CAMSAP3: variants seen among roughly 807,000 people sequenced by gnomAD.
CAMSAP3 encodes the protein calmodulin-regulated spectrin-associated protein 3.
CAMSAP3 carries 34 observed loss-of-function variants against 112.5 expected under a neutral mutation model. That is an observed-to-expected ratio of 0.30 (90% CI 0.23 to 0.40). CAMSAP3 has a LOEUF of 0.40. Among genes scored for constraint, CAMSAP3 ranks in the 10% least tolerant of loss-of-function variants. CAMSAP3 has a pLI of 1.00. For synonymous variants in CAMSAP3, 868 were observed against 799.8 expected (o/e 1.09, Z -1.44); for missense variants, 1,602 against 1,770.3 (o/e 0.90, Z 1.71).
rs201583046 is a variant in CAMSAP3, at chr19:7,611,850, C to T, written c.1357C>T (p.Pro453Ser). 111 of 1,569,326 alleles carry T rather than the reference C, an allele frequency of 7.1e-5. No homozygotes were observed. In the African/African-American group the frequency reaches 1.4e-3, roughly 20 times the overall value. The change falls in exon 11 of 17, where the codon CCT becomes TCT. Residue 453 changes from proline to serine, a missense_variant. Pro to Ser is a moderately conservative substitution (Grantham distance 74, BLOSUM62 -1). Coordinates refer to ENST00000160298, the MANE Select transcript of CAMSAP3 (RefSeq NM_020902.2). The surrounding 1 kb of genome is among the most constrained non-coding windows in gnomAD (Gnocchi z 6.9). ...GACCCCCACCCAGCCACCCCCGGAG[C>T]CTGGTGACCTGCCCACCATCGAGGA... ...ARTPTQPPPE[P>S]GDLPTIEEAL...
In CAMSAP3 at chr19:7,612,818, C is replaced by T; in HGVS notation, c.2325C>T (p.Ser775=). 1 of 1,555,636 alleles carries T rather than the reference C, an allele frequency of 6.4e-7. No individual in the cohort carries two copies. The highest frequency in any genetic ancestry group is 8.7e-7 in the Non-Finnish European group (1 of 1,155,302). Residue 775 remains serine, a synonymous_variant, in exon 11 of 17, where the codon AGC becomes AGT. Coordinates refer to ENST00000160298, the MANE Select transcript of CAMSAP3 (RefSeq NM_020902.2). ...GGCGCAGCCCTGGGCCCGGGCCCAGCCAGTCACCCCGCAGCCCGAAACACA... is the reference window on the plus strand; with the variant it reads ...GGCGCAGCCCTGGGCCCGGGCCCAGTCAGTCACCCCGCAGCCCGAAACACA... The part of the protein sequence containing the change: ...ATRRSPGPGP[S]QSPRSPKHTR...
intron 1 of CAMSAP3, among the ~76,000 whole-genome samples, chr19:7,603,795 G>A (rs770033500): frequency 1.3e-4 from 20 of 152,118 alleles, no homozygotes; most frequent in Non-Finnish European, 2.8e-4. Context: ...GTTGCAGTGA[G>A]CCATGATCGT....
At chr19:7,604,307 G>A (rs549479963) in intron 1 of CAMSAP3, among the ~76,000 whole-genome samples, 2 of 151,994 alleles carry the variant, frequency 1.3e-5, no homozygotes, top group East Asian at 3.9e-4. Flanking sequence ...GCTTCCTCAC[G>A]CCTCTTCCCA....
In CAMSAP3 at chr19:7,612,862, G is replaced by C; in HGVS notation, c.2369G>C (p.Arg790Pro). 1 of 1,601,074 alleles carries C rather than the reference G, an allele frequency of 6.2e-7. No homozygotes were observed. Among genetic ancestry groups the C allele is most frequent in the Non-Finnish European group, 8.5e-7 (1 of 1,175,734 alleles). ...AAACACACGCGGCCAGCGGAGCTGC[G>C]GCTGGCACCCTTGACCAGGGTGCTT... ...SPKHTRPAELRLAPLTRVLTP... is the reference protein window; with the variant it reads ...SPKHTRPAELPLAPLTRVLTP... Residue 790 changes from arginine to proline, a missense_variant, in exon 11 of 17, where the codon CGG (arginine) becomes CCG (proline). Coordinates refer to ENST00000160298, the MANE Select transcript of CAMSAP3 (RefSeq NM_020902.2).
In CAMSAP3 at chr19:7,617,893, G is replaced by A. The variant is rs1393887283; in HGVS notation, c.3586G>A (p.Ala1196Thr). 2.5e-6 allele frequency: 4 copies of A among 1,613,812 alleles called. No homozygotes were observed. The highest frequency in any genetic ancestry group is 1.7e-5 in the Admixed American group (1 of 59,990). The change falls in exon 17 of 17, where the codon GCC becomes ACC. Residue 1196 changes from alanine (A) to threonine (T), a missense_variant. Physicochemically the swap from Ala to Thr is moderately conservative, Grantham distance 58. This residue lies in a region of CAMSAP3 where 150 missense variants were observed against 207.6 expected (regional missense o/e 0.72). Coordinates refer to ENST00000160298, the MANE Select transcript of CAMSAP3 (RefSeq NM_020902.2). This position sits in a 1 kb window ranked among gnomAD's most constrained non-coding sequence, Gnocchi z 7.5. ...AGYGPRTVTP[A>T]MVEGIYKYNS... is the part of the protein sequence containing the mutation. The stretch of plus-strand genomic sequence containing the variant: ...GTATGGGCCCCGGACCGTCACGCCC[G>A]CCATGGTGGAAGGCATCTACAAGTA...
At chr19:7,606,436 G>T in intron 3 of CAMSAP3, 40 bp from the exon 4 acceptor site, 2 of 1,610,992 alleles carry the variant, frequency 1.2e-6, no homozygotes, top group Non-Finnish European at 8.5e-7. Flanking sequence ...GACCAGCATC[G>T]TCCAGTGGCC....
At chr19:7,596,176 CGGGGGCGGCGGGCCGGGCGCG>C in intron 1 of CAMSAP3, 26 bp downstream of exon 1, 1 of 68,160 alleles carries the variant, frequency 1.5e-5, no homozygotes, top group Non-Finnish European at 1.8e-5. Flanking sequence ...GGACCGGGGT[CGGGGGCGGCGGGCCGGGCGCG>C]GCAGGTGCTG....
chr19:7,613,563 G>A (rs2030623461), intron 11 of CAMSAP3, among the ~76,000 whole-genome samples: 1 of 151,748 alleles, frequency 6.6e-6, no homozygotes, highest in African/African-American at 2.4e-5. Context: ...AGTGGGGGCT[G>A]ACCCAGTCAT....
Position 7,595,877 on chromosome 19 carries a change from A to AGCGGCG in CAMSAP3, c.-108_-103dup, listed in dbSNP as rs539455375. 779 of 280,070 alleles carry AGCGGCG rather than the reference A, an allele frequency of 2.8e-3. 10 individuals carry two copies. The highest frequency in any genetic ancestry group is 0.016 in the African/African-American group (693 of 43,908). The allele number at this position is 280,070 out of a possible 1,614,324, so 17.3% of individuals were successfully genotyped here. A position where few individuals can be genotyped will look rare whatever the true frequency, so the allele number is the denominator to read the frequency against. On this transcript the variant is annotated 5_prime_UTR_variant, in exon 1 of 17. Transcript: ENST00000160298. ...CGCAAGCGGCCGCACCTGGCTCAGCAGCGGCGGCGGCGGCGGCGGCGGCAG... is the reference window on the plus strand; with the variant it reads ...CGCAAGCGGCCGCACCTGGCTCAGCAGCGGCGGCGGCGGCGGCGGCGGCGGCGGCAG...
chr19:7,606,086 G>A (rs921619162), intron 2 of CAMSAP3, among the ~76,000 whole-genome samples, 185 bp from the exon 3 acceptor site: 2 of 151,842 alleles, frequency 1.3e-5, no homozygotes, highest in Admixed American at 6.6e-5. Context: ...TGGCTTTTCC[G>A]GGACCCCATT....
chr19:7,604,297 G>T lies in CAMSAP3; in HGVS notation c.149-929G>T, dbSNP rs375135251. Among the ~76,000 whole-genome samples the T allele has an allele frequency of 9.2e-5, 14 of 152,146 alleles. No individual in the cohort carries two copies. The East Asian group carries it at 2.7e-3, about 29-fold the overall frequency. ...GCCCCCAGCCCACTGTCCACCTGGG[G>T]CTTCCTCACGCCTCTTCCCATTGTC... On this transcript the variant is annotated intron_variant, in intron 1 of 16. Transcript: ENST00000160298.
Position 7,617,340 on chromosome 19 carries a change from C to T in CAMSAP3, c.3227C>T (p.Ser1076Leu). ...KRPTSRAPSP[S>L]GLMSPSRLPG... ...TCCCACTGCAGGGCTCCCTCCCCGT[C>T]AGGTCTCATGTCCCCAAGCCGCCTG... Residue 1076 changes from serine to leucine, a missense_variant, in exon 15 of 17, where the codon TCA (serine) becomes TTA (leucine). Transcript: ENST00000160298. The surrounding 1 kb of genome is among the most constrained non-coding windows in gnomAD (Gnocchi z 7.5). The T allele has an allele frequency of 1.2e-6, 2 of 1,613,864 alleles. No homozygotes were observed. The highest frequency in any genetic ancestry group is 1.7e-6 in the Non-Finnish European group (2 of 1,179,746).
intron 5 of CAMSAP3, among the ~76,000 whole-genome samples, chr19:7,609,093 G>A (rs889349107): frequency 9.2e-5 from 14 of 151,836 alleles, no homozygotes; most frequent in Middle Eastern, 3.4e-3. Flanking sequence ...AGGCCGAGGC[G>A]GGTGGATCAC....
chr19:7,599,548 AT>A (rs2029865267), intron 1 of CAMSAP3, among the ~76,000 whole-genome samples: 1 of 62,672 alleles, frequency 1.6e-5, no homozygotes, highest in Non-Finnish European at 3.3e-5. Flanking sequence ...CCACCCACCC[AT>A]TCATTCATCC....
chr19:7,618,015 G>A lies in CAMSAP3; in HGVS notation c.3708G>A (p.Lys1236=). ...TCCAGGGACACCTCTGGCAGGGCAA[G>A]AAACCCACCACTCCCAAGAAGGGCG... ...FTIQGHLWQG[K]KPTTPKKGGG... is the part of the protein sequence containing the mutation. The change falls in exon 17 of 17, where the codon AAG becomes AAA. Residue 1236 remains lysine, a synonymous_variant. Transcript: ENST00000160298. 1 of 1,614,032 alleles carries A rather than the reference G, an allele frequency of 6.2e-7. No individual in the cohort carries two copies. Among genetic ancestry groups the A allele is most frequent in the Non-Finnish European group, 8.5e-7 (1 of 1,179,992 alleles).
rs1233122306 is a variant in CAMSAP3 at position 7,613,149 on chromosome 19, G to A, written c.2656G>A (p.Gly886Arg). Residue 886 changes from glycine (G) to arginine (R), a missense_variant, in exon 11 of 17, where the codon GGG (glycine) becomes AGG (arginine). Gly to Arg is a moderately radical substitution (Grantham distance 125, BLOSUM62 -2). Around this residue, in one of 6 missense-constraint regions of CAMSAP3, gnomAD observed 1,100 missense variants for 1,135.7 expected, o/e 0.97. Transcript: ENST00000160298. ...GGAGGGGGAGCCCCGGGTGGGGCTG[G>A]GGTTCTTCTACAAGGTGAGTCCCCG... ...SSEGEPRVGL[G>R]FFYKDEDKPE... 1.3e-6 allele frequency: 2 copies of A among 1,523,420 alleles called. No homozygotes were observed. Among genetic ancestry groups the A allele is most frequent in the South Asian group, 2.4e-5 (2 of 82,990 alleles). 94.4% of individuals were successfully genotyped at this position (1,523,420 alleles called of 1,614,324 possible). A position where few individuals can be genotyped will look rare whatever the true frequency, so the allele number is the denominator to read the frequency against.
chr19:7,608,310 A>T (rs1265859622), intron 5 of CAMSAP3, 46 bp downstream of exon 5: 2 of 1,583,992 alleles, frequency 1.3e-6, no homozygotes, highest in Non-Finnish European at 1.7e-6. Context: ...GGAGCTGGGC[A>T]TCCTAAGTCC....
At position 7,618,062 on chromosome 19, in the gene CAMSAP3, A is replaced by AC. The variant is rs1246990016; in HGVS notation, c.*8dup. 6.2e-7 allele frequency: 1 copy of AC among 1,607,542 alleles called. No individual in the cohort carries two copies. Among genetic ancestry groups the AC allele is most frequent in the Non-Finnish European group, 8.5e-7 (1 of 1,177,362 alleles). On this transcript the variant is annotated 3_prime_UTR_variant, in exon 17 of 17. Transcript: ENST00000160298. ...GGCGGCGGCACCCCCAAATAGCCCC[A>AC]CCCGGGCGGTCCACGGGCCGGGCCC... is the stretch of plus-strand genomic sequence containing the variant.
Position 7,615,790 on chromosome 19 carries a change from T to A in CAMSAP3, c.3112+71T>A. 3 of 795,128 alleles carry A rather than the reference T, an allele frequency of 3.8e-6. No homozygotes were observed. Among genetic ancestry groups the A allele is most frequent in the South Asian group, 6.2e-5 (1 of 16,226 alleles). 49.3% of individuals were successfully genotyped at this position (795,128 alleles called of 1,614,324 possible). On this transcript the variant is annotated intron_variant, in intron 13 of 16. Coordinates refer to ENST00000160298, the MANE Select transcript of CAMSAP3 (RefSeq NM_020902.2). The surrounding 1 kb of genome is among the most constrained non-coding windows in gnomAD (Gnocchi z 6.5). ...GCTCACTGGGTGAGGCCCCCATGGG[T>A]AAGGGGGGAGGGGGAGGGAGATGTA...
Sources: gnomAD v4.1 joint callset for allele counts (sites outside exome capture counted in the v4.1 genomes callset) on GRCh38, gnomAD v4.1.1 for gene constraint, gnomAD v4.1.1 regional missense constraint, Gnocchi (gnomAD v3.1) non-coding constraint, MANE v1.5 for transcripts, NCBI Gene and HGNC (gene_info 2026-07-23, HGNC 2026-07-21) for gene names.